The following CACNA1D variants were observed in gnomAD, a reference collection of about 807,000 sequenced individuals.
CACNA1D encodes the protein calcium voltage-gated channel subunit alpha1 D.
In CACNA1D, 55 loss-of-function variants were observed where a neutral mutation model predicts 257.1. The observed-to-expected ratio is 0.21, with a 90% CI of 0.17 to 0.27. The LOEUF is 0.27. Ranked by LOEUF, CACNA1D falls within the 10% of genes least tolerant of loss-of-function variation. The probability of loss-of-function intolerance (pLI) is 1.00; values close to 1 mark genes in which losing one functional copy is unlikely to be tolerated. For synonymous variants in CACNA1D, 980 were observed against 1,014.9 expected, an observed-to-expected ratio of 0.97 and a Z score of 0.65; for missense variants, 1,876 against 2,784.0, an observed-to-expected ratio of 0.67 and a Z score of 7.34.
At chr3:53,796,678 A>G (rs964595667) in intron 40 of CACNA1D, among the ~76,000 whole-genome samples, 13 of 152,244 alleles carry the variant, frequency 8.5e-5, no homozygotes, top group African/African-American at 3.1e-4. Flanking sequence ...ATTCAATAGA[A>G]TATCTATGAA....
At chr3:53,778,109 G>A (rs1455334744) in intron 37 of CACNA1D, among the ~76,000 whole-genome samples, 1 of 152,050 alleles carries the variant, frequency 6.6e-6, no homozygotes, top group South Asian at 2.1e-4. Flanking sequence ...CATGTTCCCT[G>A]CCCTGAAAAT....
At chr3:53,749,963 C>T (rs759535402) in intron 27 of CACNA1D, among the ~76,000 whole-genome samples, 1 of 152,144 alleles carries the variant, frequency 6.6e-6, no homozygotes, top group Non-Finnish European at 1.5e-5. Flanking sequence ...GCCAATGGTT[C>T]GTCTTCCCCT....
rs149805755 is a variant in CACNA1D at position 53,690,992 on chromosome 3, G to C, written c.1221-11649G>C. Among the ~76,000 whole-genome samples the C allele has an allele frequency of 4.8e-3, 734 of 152,306 alleles. 7 individuals carry two copies. The highest frequency in any genetic ancestry group is 0.01 in the Admixed American group (157 of 15,306). Reference sequence around the variant, plus strand: ...GAAAAACTGGAATCTGACAAGTCTAGCAGAGTGTGTTTATGAAGTGACTTC... The same window carrying C: ...GAAAAACTGGAATCTGACAAGTCTACCAGAGTGTGTTTATGAAGTGACTTC... On this transcript the variant is annotated intron_variant, in intron 8 of 47. Transcript: ENST00000350061.
chr3:53,780,201 A>C, intron 38 of CACNA1D, 73 bp downstream of exon 38: 140 of 1,213,510 alleles, frequency 1.2e-4, no homozygotes, highest in Non-Finnish European at 1.6e-4. Flanking sequence ...TGCCTTCCTC[A>C]TCTGGGCCTT....
At chr3:53,763,389 C>T (rs1044764649) in intron 30 of CACNA1D, among the ~76,000 whole-genome samples, 1 of 152,230 alleles carries the variant, frequency 6.6e-6, no homozygotes, top group Non-Finnish European at 1.5e-5. Context: ...AAGGGAGCCC[C>T]TCCTTCTGCC....
At chr3:53,534,497 T>C (rs1167345875) in intron 3 of CACNA1D, among the ~76,000 whole-genome samples, 1 of 152,182 alleles carries the variant, frequency 6.6e-6, no homozygotes, top group Non-Finnish European at 1.5e-5. Flanking sequence ...GGAGGGCGGC[T>C]AGGGTGGTGC....
chr3:53,806,285 CA>C (rs1456328107), intron 45 of CACNA1D, among the ~76,000 whole-genome samples: 1 of 151,036 alleles, frequency 6.6e-6, no homozygotes. Context: ...ATCTTCCTGT[CA>C]AGTCTGTCAG....
chr3:53,705,775 C>A (rs2094682076), intron 9 of CACNA1D, among the ~76,000 whole-genome samples: 1 of 152,214 alleles, frequency 6.6e-6, no homozygotes, highest in South Asian at 2.1e-4. Context: ...CCTCTCTGAT[C>A]ACAGACCTCA....
chr3:53,732,940 T>C lies in CACNA1D; in HGVS notation c.2599T>C (p.Phe867Leu). The C allele has an allele frequency of 6.2e-7, 1 of 1,613,992 alleles. No homozygotes were observed. Among genetic ancestry groups the C allele is most frequent in the East Asian group, 2.2e-5 (1 of 44,888 alleles). The change falls in exon 19 of 48, where the codon TTC (phenylalanine) becomes CTC (leucine). Residue 867 changes from phenylalanine (F) to leucine (L), a missense_variant. This residue lies in a region of CACNA1D where 271 missense variants were observed against 425.5 expected (regional missense o/e 0.64). Coordinates refer to ENST00000350061, the MANE Select transcript of CACNA1D (RefSeq NM_001128840.3). Reference sequence around the variant, plus strand: ...CCCCATCCCTGAAGGGAGCGCTTTCTTCATTCTTAGCAAGACCAACCCGTA... The same window carrying C: ...CCCCATCCCTGAAGGGAGCGCTTTCCTCATTCTTAGCAAGACCAACCCGTA... ...IAPIPEGSAF[F>L]ILSKTNPIRV...
At chr3:53,786,588 C>G (rs939694286) in intron 39 of CACNA1D, 16 of 543,260 alleles carry the variant, frequency 2.9e-5, no homozygotes, top group African/African-American at 2.9e-4. Flanking sequence ...TTTCTGCAAC[C>G]TAGAGTATCA....
At chr3:53,642,872 C>A (rs2612021) in intron 3 of CACNA1D, among the ~76,000 whole-genome samples, 4,274 of 152,322 alleles carry the variant, frequency 0.028, 217 homozygotes, top group African/African-American at 0.097. Context: ...ATTCACACTT[C>A]CCACAGGCTG....
At chr3:53,603,015 A>G (rs991830990) in intron 3 of CACNA1D, among the ~76,000 whole-genome samples, 21 of 152,222 alleles carry the variant, frequency 1.4e-4, no homozygotes, top group Admixed American at 1.1e-3. Flanking sequence ...GTTGCGTCAC[A>G]GGATGTTGTC....
At chr3:53,546,086 T>C (rs545162327) in intron 3 of CACNA1D, among the ~76,000 whole-genome samples, 4 of 152,278 alleles carry the variant, frequency 2.6e-5, no homozygotes, top group African/African-American at 9.6e-5. Context: ...ATCACAGATA[T>C]TGTATATTGG....
chr3:53,735,585 A>G (rs907863775), intron 20 of CACNA1D, 82 bp downstream of exon 20: 6 of 1,488,214 alleles, frequency 4.0e-6, no homozygotes, highest in Non-Finnish European at 5.6e-6. Flanking sequence ...GGAGCTGTGG[A>G]GGCCCTCAAG....
chr3:53,585,773 CA>C (rs2093204847), intron 3 of CACNA1D, among the ~76,000 whole-genome samples: 1 of 152,154 alleles, frequency 6.6e-6, no homozygotes, highest in Non-Finnish European at 1.5e-5. Flanking sequence ...CTGTACCTTT[CA>C]CGAAGTGCTT....
At chr3:53,553,528 T>G (rs1221067113) in intron 3 of CACNA1D, among the ~76,000 whole-genome samples, 2 of 152,350 alleles carry the variant, frequency 1.3e-5, no homozygotes, top group African/African-American at 4.8e-5. Context: ...AATGTGTGTG[T>G]ATGGGTATGT....
At chr3:53,624,087 T>G (rs1433356859) in intron 3 of CACNA1D, among the ~76,000 whole-genome samples, 3 of 152,148 alleles carry the variant, frequency 2.0e-5, no homozygotes, top group African/African-American at 7.2e-5. Context: ...GAAATGGTGG[T>G]TCCTGTTAAC....
intron 3 of CACNA1D, among the ~76,000 whole-genome samples, chr3:53,595,890 G>A (rs1258632402): frequency 3.9e-5 from 6 of 152,172 alleles, no homozygotes; most frequent in Admixed American, 2.6e-4. Flanking sequence ...GATGGGCAGG[G>A]CAGGAGGGAA....
intron 3 of CACNA1D, among the ~76,000 whole-genome samples, chr3:53,507,750 T>C (rs2090916504): frequency 6.6e-6 from 1 of 152,222 alleles, no homozygotes; most frequent in Non-Finnish European, 1.5e-5. Flanking sequence ...AGTCATACCT[T>C]ATACAACGAA....
Sources: allele counts gnomAD v4.1 joint callset (sites outside exome capture counted in the v4.1 genomes callset), GRCh38; gene constraint gnomAD v4.1.1; regional missense constraint gnomAD v4.1.1; transcripts MANE v1.5; gene names NCBI Gene and HGNC (gene_info 2026-07-23, HGNC 2026-07-21).